The following PEG3 variants were observed in gnomAD, a reference collection of about 807,000 sequenced individuals.
The protein encoded by PEG3 is paternally expressed 3.
A neutral mutation model predicts 35.5 loss-of-function variants in PEG3; 23 were observed. The ratio of observed to expected loss-of-function variants is 0.65; its 90% CI spans 0.47 to 0.92. PEG3 has a LOEUF of 0.92. Among genes scored for constraint, PEG3 ranks in the 40% least tolerant of loss-of-function variants. The pLI is 0.00. For missense variants in PEG3, 1,960 were observed against 1,985.3 expected (o/e 0.99, Z 0.24); for synonymous variants, 707 against 697.0 (o/e 1.01, Z -0.23).
chr19:56,821,798 T>C, intron 6 of PEG3, 44 bp from the exon 7 acceptor site: 2 of 1,605,234 alleles, frequency 1.2e-6, no homozygotes, highest in Non-Finnish European at 1.7e-6. Context: ...GCCCAGTCCA[T>C]CCTGCAGGTC....
intron 2 of PEG3, among the ~76,000 whole-genome samples, chr19:56,828,057 G>C (rs539278128): frequency 2.0e-5 from 3 of 152,226 alleles, no homozygotes; most frequent in Middle Eastern, 3.4e-3. Flanking sequence ...TAAATTCAAA[G>C]TTAAAACAAA....
In PEG3 at chr19:56,816,064, A is replaced by G. The variant is rs113294091; in HGVS notation, c.2378T>C (p.Val793Ala). The G allele has an allele frequency of 7.3e-4, 1,166 of 1,603,250 alleles. 6 individuals are homozygous for G. The African/African-American group carries it at 0.013, about 17-fold the overall frequency. Residue 793 changes from valine to alanine, a missense_variant, in exon 10 of 10, where the codon GTA (valine) becomes GCA (alanine). Val to Ala is a moderately conservative substitution (Grantham distance 64). Around this residue, in one of 5 missense-constraint regions of PEG3, gnomAD observed 798 missense variants for 782.4 expected, o/e 1.02. Transcript: ENST00000326441. Reference protein sequence around the residue: ...ASVEAQKSHSVAGPSKPKVMA... With the variant: ...ASVEAQKSHSAAGPSKPKVMA... ...TACTTTTGGTTTACTGGGCCCTGCT[A>G]CACTGTGACTTTTCTGAGCTTCCAC...
intron 2 of PEG3, chr19:56,833,150 C>T (rs1281742442): frequency 3.9e-6 from 2 of 517,272 alleles, no homozygotes; most frequent in Non-Finnish European, 7.7e-6. Flanking sequence ...TCCTGTGACT[C>T]CGGTTTGGCC....
chr19:56,812,000 A>G lies in PEG3; in HGVS notation c.*1675T>C, dbSNP rs2059572697. The G allele has an allele frequency of 1.0e-6, 1 of 985,134 alleles. No individual in the cohort carries two copies. The highest frequency in any genetic ancestry group is 1.7e-5 in the African/African-American group (1 of 57,314). 61.0% of individuals were successfully genotyped at this position (985,134 alleles called of 1,614,324 possible). A position where few individuals can be genotyped will look rare whatever the true frequency, so the allele number is the denominator to read the frequency against. ...CTTTGACACTCCCTGCATCTTTGAC[A>G]TACTTCCAAGCCCTAATCCTGCAGA... On this transcript the variant is annotated 3_prime_UTR_variant, in exon 10 of 10. Coordinates refer to ENST00000326441, the MANE Select transcript of PEG3 (RefSeq NM_006210.3).
chr19:56,816,579 A>G lies in PEG3; in HGVS notation c.1863T>C (p.Tyr621=). ...SPALNEFQKM[Y]GKEKMYECKV... ...TACATTCGTACATTTTCTCTTTACC[A>G]TACATTTTCTGAAACTCATTAAGGG... Residue 621 remains tyrosine, a synonymous_variant, in exon 10 of 10, where the codon TAT becomes TAC. Transcript: ENST00000326441. 3 of 1,613,942 alleles carry G rather than the reference A, an allele frequency of 1.9e-6. No individual in the cohort carries two copies. Among genetic ancestry groups the G allele is most frequent in the South Asian group, 1.1e-5 (1 of 91,050 alleles).
intron 1 of PEG3, among the ~76,000 whole-genome samples, chr19:56,836,570 C>G (rs1012681089): frequency 1.3e-5 from 2 of 152,164 alleles, no homozygotes; most frequent in Non-Finnish European, 2.9e-5. Flanking sequence ...AGTATGTGTT[C>G]AATCAATTAG....
At position 56,810,525 on chromosome 19, in the gene PEG3, T is replaced by G; in HGVS notation, c.*3150A>C. 1.0e-6 allele frequency: 1 copy of G among 983,796 alleles called. No individual in the cohort carries two copies. The highest frequency in any genetic ancestry group is 1.2e-6 in the Non-Finnish European group (1 of 828,442). The allele number at this position is 983,796 out of a possible 1,614,324, so 60.9% of individuals were successfully genotyped here. A position where few individuals can be genotyped will look rare whatever the true frequency, so the allele number is the denominator to read the frequency against. On this transcript the variant is annotated 3_prime_UTR_variant, in exon 10 of 10. Transcript: ENST00000326441. The stretch of plus-strand genomic sequence containing the variant: ...ATTGTTGTTGGGTGTTGGGAATATG[T>G]GTGAATTTTCTTTACTGAATTTCCA...
Position 56,824,453 on chromosome 19 carries a change from C to T in PEG3, c.203G>A (p.Arg68Gln), listed in dbSNP as rs267605719. The T allele has an allele frequency of 1.2e-5, 19 of 1,613,962 alleles. No individual in the cohort carries two copies. Among genetic ancestry groups the T allele is most frequent in the Admixed American group, 6.7e-5 (4 of 60,010 alleles). ...CTGCAACCAATCGAGGCAGAGGTTT[C>T]GGAGTTTGATCAGGGTCTTCCGAGG... The part of the protein sequence containing the change: ...VGPRKTLIKL[R>Q]NLCLDWLQPE... Residue 68 changes from arginine (R) to glutamine (Q), a missense_variant, in exon 4 of 10, where the codon CGA becomes CAA. Coordinates refer to ENST00000326441, the MANE Select transcript of PEG3 (RefSeq NM_006210.3).
In PEG3 at chr19:56,814,292, C is replaced by T. The variant is rs1441085788; in HGVS notation, c.4150G>A (p.Val1384Ile). The T allele has an allele frequency of 1.2e-6, 2 of 1,614,012 alleles. No homozygotes were observed. Among genetic ancestry groups the T allele is most frequent in the South Asian group, 1.1e-5 (1 of 91,056 alleles). Reference sequence around the variant, plus strand: ...ACGTTTAAGCCCTGAATCCTCAGAACTACTTGTGGAACATGGACATTGGCT... The same window carrying T: ...ACGTTTAAGCCCTGAATCCTCAGAATTACTTGTGGAACATGGACATTGGCT... ...VEANVHVPQV[V>I]LRIQGLNVEA... Residue 1384 changes from valine to isoleucine, a missense_variant, in exon 10 of 10, where the codon GTT becomes ATT. By Grantham distance (29) the Val-to-Ile change is conservative. Transcript: ENST00000326441. The surrounding 1 kb of genome is among the most constrained non-coding windows in gnomAD (Gnocchi z 5.8).
At chr19:56,821,257 C>A (rs1304966708) in intron 7 of PEG3, among the ~76,000 whole-genome samples, 2 of 152,234 alleles carry the variant, frequency 1.3e-5, no homozygotes, top group African/African-American at 4.8e-5. Flanking sequence ...GCTTTAAACC[C>A]AGCTCCTGTC....
chr19:56,813,579 T>C lies in PEG3; in HGVS notation c.*96A>G. 6.8e-7 allele frequency: 1 copy of C among 1,479,132 alleles called. No individual in the cohort carries two copies. The highest frequency in any genetic ancestry group is 9.0e-7 in the Non-Finnish European group (1 of 1,112,064). The allele number at this position is 1,479,132 out of a possible 1,614,324, so 91.6% of individuals were successfully genotyped here. A position where few individuals can be genotyped will look rare whatever the true frequency, so the allele number is the denominator to read the frequency against. ...AGGTGTGTAACACACTAAGGTTAAGTCTCCTACTGACATTATCATGGATTG... is the reference window on the plus strand; with the variant it reads ...AGGTGTGTAACACACTAAGGTTAAGCCTCCTACTGACATTATCATGGATTG... On this transcript the variant is annotated 3_prime_UTR_variant, in exon 10 of 10. Transcript: ENST00000326441.
chr19:56,832,008 T>C (rs935026381), intron 2 of PEG3, among the ~76,000 whole-genome samples: 2 of 152,154 alleles, frequency 1.3e-5, no homozygotes, highest in Non-Finnish European at 2.9e-5. Flanking sequence ...ATCAAACATA[T>C]GGCAGTACAT....
chr19:56,811,107 T>C lies in PEG3; in HGVS notation c.*2568A>G, dbSNP rs2146077056. On this transcript the variant is annotated 3_prime_UTR_variant, in exon 10 of 10. Coordinates refer to ENST00000326441, the MANE Select transcript of PEG3 (RefSeq NM_006210.3). The stretch of plus-strand genomic sequence containing the variant: ...TGGATGGTGGGGATATGATTTTTTT[T>C]CCTCCACTTTTCTGTATTTTCCAAG... 8.1e-6 allele frequency: 8 copies of C among 984,780 alleles called. No homozygotes were observed. Among genetic ancestry groups the C allele is most frequent in the African/African-American group, 1.7e-5 (1 of 57,350 alleles). 61.0% of individuals were successfully genotyped at this position (984,780 alleles called of 1,614,324 possible).
At chr19:56,836,438 G>C (rs2062109485) in intron 1 of PEG3, among the ~76,000 whole-genome samples, 1 of 152,114 alleles carries the variant, frequency 6.6e-6, no homozygotes. Flanking sequence ...CCCCATGTTA[G>C]GACCGCTATC....
At position 56,810,113 on chromosome 19, in the gene PEG3, C is replaced by G. The variant is rs1237838054; in HGVS notation, c.*3562G>C. On this transcript the variant is annotated 3_prime_UTR_variant, in exon 10 of 10. Transcript: ENST00000326441. Reference sequence around the variant, plus strand: ...TTTAACTTTATTTTTATTGTTGACACTATTACAGATAGAATGACCACAACC... The same window carrying G: ...TTTAACTTTATTTTTATTGTTGACAGTATTACAGATAGAATGACCACAACC... 3 of 947,240 alleles carry G rather than the reference C, an allele frequency of 3.2e-6. No homozygotes were observed. The African/African-American group carries it at 5.3e-5, about 17-fold the overall frequency. The allele number at this position is 947,240 out of a possible 1,614,324, so 58.7% of individuals were successfully genotyped here.
Position 56,812,323 on chromosome 19 carries a change from T to C in PEG3, c.*1352A>G. ...ATGAACACAACACTCAGAAATACTC[T>C]AGGAGAGCTGAAAAAGAAGGAACAG... is the stretch of plus-strand genomic sequence containing the variant. On this transcript the variant is annotated 3_prime_UTR_variant, in exon 10 of 10. Transcript: ENST00000326441. 2.0e-6 allele frequency: 2 copies of C among 981,784 alleles called. No homozygotes were observed. The highest frequency in any genetic ancestry group is 2.4e-6 in the Non-Finnish European group (2 of 826,826). 60.8% of individuals were successfully genotyped at this position (981,784 alleles called of 1,614,324 possible).
At chr19:56,825,187 G>A in intron 3 of PEG3, among the ~76,000 whole-genome samples, 1 of 152,220 alleles carries the variant, frequency 6.6e-6, no homozygotes, top group East Asian at 1.9e-4. Flanking sequence ...AAAATGAAAA[G>A]GGGAAGTAGG....
chr19:56,821,565 G>A, intron 7 of PEG3, 86 bp downstream of exon 7: 5 of 1,541,580 alleles, frequency 3.2e-6, no homozygotes, highest in Non-Finnish European at 4.4e-6. Context: ...CTAGGGGGCA[G>A]ATAAACACAC....
intron 4 of PEG3, 117 bp from the exon 5 acceptor site, chr19:56,823,796 C>A (rs1313922041): frequency 8.1e-7 from 1 of 1,232,352 alleles, no homozygotes; most frequent in Non-Finnish European, 1.2e-6. Flanking sequence ...ATGACCTGAT[C>A]CTGACATTTC....
Sources: gnomAD v4.1 joint callset for allele counts (sites outside exome capture counted in the v4.1 genomes callset) on GRCh38, gnomAD v4.1.1 for gene constraint, gnomAD v4.1.1 regional missense constraint, Gnocchi (gnomAD v3.1) non-coding constraint, MANE v1.5 for transcripts, NCBI Gene and HGNC (gene_info 2026-07-23, HGNC 2026-07-21) for gene names.